The following DOK6 variants were observed in gnomAD, a reference collection of about 807,000 sequenced individuals.
DOK6 encodes docking protein 6.
In DOK6, 22 loss-of-function variants were observed where a neutral mutation model predicts 44.0. That is an observed-to-expected ratio of 0.50 (90% CI 0.36 to 0.71). The LOEUF is 0.71. Ranked by LOEUF, DOK6 falls within the 30% of genes least tolerant of loss-of-function variation. The probability of loss-of-function intolerance (pLI) is 0.00; values close to 1 mark genes in which losing one functional copy is unlikely to be tolerated. For synonymous variants in DOK6, 166 were observed against 145.5 expected (o/e 1.14, Z -1.01); for missense variants, 340 against 416.4 (o/e 0.82, Z 1.60).
At chr18:69,548,681 A>G (rs1036524440) in intron 1 of DOK6, among the ~76,000 whole-genome samples, 1 of 151,628 alleles carries the variant, frequency 6.6e-6, no homozygotes, top group Non-Finnish European at 1.5e-5. Flanking sequence ...ATACACGGTC[A>G]CTCAACCAGT....
chr18:69,672,707 A>AG (rs577008877), intron 3 of DOK6, among the ~76,000 whole-genome samples: 12,439 of 73,512 alleles, frequency 0.17, 730 homozygotes, highest in South Asian at 0.28. Context: ...AAAAAAAAAA[A>AG]GGGGGGGGTG....
At chr18:69,605,335 C>A (rs1473911884) in intron 3 of DOK6, among the ~76,000 whole-genome samples, 1 of 152,086 alleles carries the variant, frequency 6.6e-6, no homozygotes, top group Non-Finnish European at 1.5e-5. Flanking sequence ...GTCCGTTTAA[C>A]CAAAGAAGAA....
At chr18:69,527,939 G>A (rs562233935) in intron 1 of DOK6, among the ~76,000 whole-genome samples, 10 of 152,082 alleles carry the variant, frequency 6.6e-5, no homozygotes, top group South Asian at 2.1e-4. Flanking sequence ...CAAGGCGGGC[G>A]GATCACGAGG....
intron 7 of DOK6, chr18:69,777,751 C>CAAAAAAAAA (rs34769679): frequency 9.3e-6 from 1 of 107,226 alleles, no homozygotes. Flanking sequence ...CCTTCACTGA[C>CAAAAAAAAA]AAAAAAAAAA....
chr18:69,818,692 AG>A (rs1981475470), intron 7 of DOK6, among the ~76,000 whole-genome samples: 1 of 152,236 alleles, frequency 6.6e-6, no homozygotes, highest in African/African-American at 2.4e-5. Flanking sequence ...GCTGTAGCCT[AG>A]CTATGTTTAC....
At chr18:69,748,095 TG>T (rs1979048103) in intron 6 of DOK6, among the ~76,000 whole-genome samples, 1 of 152,178 alleles carries the variant, frequency 6.6e-6, no homozygotes, top group Non-Finnish European at 1.5e-5. Context: ...GTTACAATCC[TG>T]GTTTCTGACA....
chr18:69,670,381 CA>C (rs1428237537), intron 3 of DOK6, among the ~76,000 whole-genome samples: 1 of 152,070 alleles, frequency 6.6e-6, no homozygotes, highest in Non-Finnish European at 1.5e-5. Context: ...AAGAGTTGCA[CA>C]GAAAGCAATT....
chr18:69,536,219 T>C (rs1484086939), intron 1 of DOK6, among the ~76,000 whole-genome samples: 1 of 152,144 alleles, frequency 6.6e-6, no homozygotes, highest in African/African-American at 2.4e-5. Context: ...AAAATCAGGT[T>C]CCACTGATAC....
At chr18:69,462,121 C>T (rs1327149918) in intron 1 of DOK6, among the ~76,000 whole-genome samples, 1 of 152,088 alleles carries the variant, frequency 6.6e-6, no homozygotes, top group African/African-American at 2.4e-5. Context: ...CTTGAAATTC[C>T]AAAGTGTGTT....
At chr18:69,469,644 G>A (rs1169024307) in intron 1 of DOK6, 2 of 221,434 alleles carry the variant, frequency 9.0e-6, no homozygotes, top group Non-Finnish European at 1.9e-5. Context: ...ACTTCCTGCC[G>A]GCTGCCTCAC....
intron 3 of DOK6, among the ~76,000 whole-genome samples, chr18:69,667,530 C>T (rs1328437097): frequency 6.6e-6 from 1 of 152,148 alleles, no homozygotes; most frequent in Admixed American, 6.5e-5. Context: ...ACAAAACTTT[C>T]CTTATTAAGG....
chr18:69,772,690 A>G (rs933427359), intron 7 of DOK6, among the ~76,000 whole-genome samples: 2 of 152,004 alleles, frequency 1.3e-5, no homozygotes, highest in African/African-American at 4.8e-5. Context: ...TACACCATGC[A>G]CAAAAGTCAA....
At chr18:69,465,383 G>A (rs1979895041) in intron 1 of DOK6, among the ~76,000 whole-genome samples, 1 of 151,848 alleles carries the variant, frequency 6.6e-6, no homozygotes, top group Non-Finnish European at 1.5e-5. Context: ...GTATACATAT[G>A]CCATGCTGGT....
chr18:69,479,900 C>A (rs1055869753), intron 1 of DOK6, among the ~76,000 whole-genome samples: 1 of 152,058 alleles, frequency 6.6e-6, no homozygotes, highest in Non-Finnish European at 1.5e-5. Context: ...GTGGTAGGGA[C>A]CTGATTTTAA....
chr18:69,529,898 T>C (rs1232985030), intron 1 of DOK6, among the ~76,000 whole-genome samples: 3 of 152,176 alleles, frequency 2.0e-5, no homozygotes, highest in Non-Finnish European at 4.4e-5. Context: ...ACTTTACATA[T>C]ATTATCTCAT....
intron 1 of DOK6, among the ~76,000 whole-genome samples, chr18:69,482,781 G>A (rs983103572): frequency 6.6e-6 from 1 of 151,696 alleles, no homozygotes; most frequent in Non-Finnish European, 1.5e-5. Flanking sequence ...TATGAAAAAG[G>A]ATGAAATAAA....
intron 1 of DOK6, among the ~76,000 whole-genome samples, chr18:69,531,376 C>G (rs1981981989): frequency 6.6e-6 from 1 of 150,984 alleles, no homozygotes; most frequent in Non-Finnish European, 1.5e-5. Flanking sequence ...ATTTGCTGGA[C>G]AGAATGCACT....
At chr18:69,812,014 G>A (rs1981254525) in intron 7 of DOK6, among the ~76,000 whole-genome samples, 1 of 151,848 alleles carries the variant, frequency 6.6e-6, no homozygotes, top group African/African-American at 2.4e-5. Flanking sequence ...CAAAAACTAT[G>A]AAGACTACAA....
At chr18:69,531,085 C>CT (rs907239015) in intron 1 of DOK6, among the ~76,000 whole-genome samples, 3 of 151,478 alleles carry the variant, frequency 2.0e-5, no homozygotes, top group Non-Finnish European at 4.4e-5. Flanking sequence ...CAACCCCTGC[C>CT]TTTTTTTGTT....
Sources: allele counts gnomAD v4.1 joint callset (sites outside exome capture counted in the v4.1 genomes callset), GRCh38; gene constraint gnomAD v4.1.1; transcripts MANE v1.5; gene names NCBI Gene and HGNC (gene_info 2026-07-23, HGNC 2026-07-21).